Variants in MAJIN observed in about 807,000 individuals in gnomAD.
The protein encoded by MAJIN is membrane-anchored junction protein.
In MAJIN, 27 loss-of-function variants were observed where a neutral mutation model predicts 30.2. The observed-to-expected ratio is 0.89, with a 90% CI of 0.66 to 1.23. The LOEUF is 1.23. MAJIN is among the 50% of genes most tolerant of loss of function. The pLI, the probability that MAJIN is intolerant of heterozygous loss-of-function variation, is 0.00. For synonymous variants in MAJIN, 78 were observed against 91.6 expected, an observed-to-expected ratio of 0.85 and a Z score of 0.85; for missense variants, 253 against 260.3, an observed-to-expected ratio of 0.97 and a Z score of 0.19.
intron 2 of MAJIN, 130 bp from the exon 3 acceptor site, chr11:64,959,552 AC>A: frequency 1.6e-6 from 1 of 643,966 alleles, no homozygotes; most frequent in Non-Finnish European, 2.7e-6. Flanking sequence ...CTGCCTACGT[AC>A]CAGGATCATC....
chr11:64,949,103 G>A (rs966645425), intron 6 of MAJIN, among the ~76,000 whole-genome samples: 5 of 149,964 alleles, frequency 3.3e-5, no homozygotes, highest in Admixed American at 2.7e-4. Context: ...TGGGAGGATC[G>A]CTTGAGCCCA....
chr11:64,940,983 C>A (rs1237878220), intron 8 of MAJIN, among the ~76,000 whole-genome samples: 1 of 151,558 alleles, frequency 6.6e-6, no homozygotes, highest in Non-Finnish European at 1.5e-5. Flanking sequence ...GGACTACAGG[C>A]GCCCGCCACC....
chr11:64,943,872 A>G (rs1359841326), intron 8 of MAJIN, among the ~76,000 whole-genome samples: 2 of 152,182 alleles, frequency 1.3e-5, no homozygotes, highest in African/African-American at 4.8e-5. Context: ...AGTACTCCTC[A>G]TGTACTTTCT....
intron 8 of MAJIN, among the ~76,000 whole-genome samples, chr11:64,944,987 G>A (rs1945429006): frequency 6.6e-6 from 1 of 152,052 alleles, no homozygotes; most frequent in Non-Finnish European, 1.5e-5. Flanking sequence ...ATTCCATCAG[G>A]GGCCAGCCCT....
intron 3 of MAJIN, among the ~76,000 whole-genome samples, chr11:64,958,544 A>G (rs139770765): frequency 5.1e-4 from 76 of 149,212 alleles, no homozygotes; most frequent in African/African-American, 1.7e-3. Flanking sequence ...CCTTGAGCCC[A>G]GCAGGTCAAG....
intron 1 of MAJIN, among the ~76,000 whole-genome samples, chr11:64,966,671 G>T (rs1203570639): frequency 6.6e-6 from 1 of 151,600 alleles, no homozygotes; most frequent in Non-Finnish European, 1.5e-5. Context: ...AGTAGCTCAC[G>T]CCTTGTAATC....
chr11:64,966,164 A>AAAAAAAAAGC (rs1945806435), intron 1 of MAJIN, among the ~76,000 whole-genome samples: 1 of 150,752 alleles, frequency 6.6e-6, no homozygotes, highest in African/African-American at 2.4e-5. Context: ...AAAAAAAAAA[A>AAAAAAAAAGC]AGCAGCAGCA....
At position 64,947,551 on chromosome 11, in the gene MAJIN, C is replaced by T. The variant is rs574579895; in HGVS notation, c.382-86G>A. On this transcript the variant is annotated intron_variant, in intron 7 of 10. Transcript: ENST00000301896. Reference sequence around the variant, plus strand: ...GGCACAGTGAAGAAAACTCCCCATCCTTAAACTGCCAAAGGCAACTTTTAA... The same window carrying T: ...GGCACAGTGAAGAAAACTCCCCATCTTTAAACTGCCAAAGGCAACTTTTAA... 58 of 1,373,918 alleles carry T rather than the reference C, an allele frequency of 4.2e-5. No individual in the cohort carries two copies. In the South Asian group the frequency reaches 4.9e-4, roughly 12 times the overall value. 85.1% of individuals were successfully genotyped at this position (1,373,918 alleles called of 1,614,324 possible).
At position 64,958,653 on chromosome 11, in the gene MAJIN, T is replaced by A. The variant is rs142715285; in HGVS notation, c.101+652A>T. ...TTGCAAGGGAGTCGAGATGAAAAAA[T>A]ATATATATATTTTGAGATGGAGTCT... On this transcript the variant is annotated intron_variant, in intron 3 of 10. Coordinates refer to ENST00000301896, the MANE Select transcript of MAJIN (RefSeq NM_001037225.3). Among the ~76,000 whole-genome samples the A allele has an allele frequency of 5.8e-3, 738 of 126,784 alleles. 4 individuals are homozygous for A. The highest frequency in any genetic ancestry group is 0.019 in the African/African-American group (656 of 34,352). The allele number at this position is 126,784 out of a possible 152,430, so 83.2% of individuals were successfully genotyped here.
At chr11:64,958,956 C>T (rs889048203) in intron 3 of MAJIN, among the ~76,000 whole-genome samples, 1 of 151,974 alleles carries the variant, frequency 6.6e-6, no homozygotes, top group African/African-American at 2.4e-5. Flanking sequence ...AACACTGCTT[C>T]AAAGATATGT....
At chr11:64,942,216 G>A (rs1945389613) in intron 8 of MAJIN, among the ~76,000 whole-genome samples, 1 of 152,080 alleles carries the variant, frequency 6.6e-6, no homozygotes, top group Admixed American at 6.5e-5. Flanking sequence ...TTTTGCTGGT[G>A]AAGAGTTCTT....
At chr11:64,949,959 C>T in intron 5 of MAJIN, 91 bp from the exon 6 acceptor site, 3 of 1,492,306 alleles carry the variant, frequency 2.0e-6, no homozygotes, top group Non-Finnish European at 2.7e-6. Context: ...TTCCCCTGAC[C>T]TACCCTCCAA....
At chr11:64,969,862 TGAGC>T (rs1945870904) in intron 1 of MAJIN, among the ~76,000 whole-genome samples, 1 of 152,118 alleles carries the variant, frequency 6.6e-6, no homozygotes, top group African/African-American at 2.4e-5. Context: ...CCTGGTTGCT[TGAGC>T]AACTAACTGA....
chr11:64,938,817 T>A (rs1273542927), intron 10 of MAJIN, among the ~76,000 whole-genome samples: 1 of 152,218 alleles, frequency 6.6e-6, no homozygotes, highest in Non-Finnish European at 1.5e-5. Flanking sequence ...ATTTGCTAAC[T>A]GTCCTTTGCA....
rs1210417352 is a variant in MAJIN, at chr11:64,949,842, G to A, written c.250C>T (p.His84Tyr). Residue 84 changes from histidine (H) to tyrosine (Y), a missense_variant, in exon 6 of 11, where the codon CAC becomes TAC. By Grantham distance (83) the His-to-Tyr change is moderately conservative. Coordinates refer to ENST00000301896, the MANE Select transcript of MAJIN (RefSeq NM_001037225.3). Reference protein sequence around the residue: ...PYKSKWERVSHLKFKHGEIIL... With the variant: ...PYKSKWERVSYLKFKHGEIIL... ...ATTTCCCCATGTTTGAATTTCAGGTGGGAAACTCTCTCCCATTTGCTTTTA... is the reference window on the plus strand; with the variant it reads ...ATTTCCCCATGTTTGAATTTCAGGTAGGAAACTCTCTCCCATTTGCTTTTA... 1 of 1,607,208 alleles carries A rather than the reference G, an allele frequency of 6.2e-7. No homozygotes were observed. Among genetic ancestry groups the A allele is most frequent in the South Asian group, 1.1e-5 (1 of 91,078 alleles).
intron 1 of MAJIN, among the ~76,000 whole-genome samples, chr11:64,961,692 G>T (rs1159574516): frequency 6.8e-6 from 1 of 146,736 alleles, no homozygotes; most frequent in Non-Finnish European, 1.5e-5. Context: ...TAGCCAGGAT[G>T]GTCTCGATCT....
At chr11:64,954,714 T>C (rs1945604582) in intron 4 of MAJIN, 43 bp downstream of exon 4, 1 of 1,595,184 alleles carries the variant, frequency 6.3e-7, no homozygotes, top group African/African-American at 1.3e-5. Context: ...GGATGCATCC[T>C]TAAAGAGTAA....
Position 64,939,258 on chromosome 11 carries a change from T to C in MAJIN, c.*1+404A>G, listed in dbSNP as rs7131177. 8.0e-3 allele frequency among the ~76,000 whole-genome samples: 1,213 copies of C among 152,306 alleles called. 14 individuals are homozygous for C. Among genetic ancestry groups the C allele is most frequent in the African/African-American group, 0.027 (1,127 of 41,562 alleles). Reference sequence around the variant, plus strand: ...CTGGTATCACAGGCATGTAGCACCATGCCCGGCTAATTTTGTATTTTTAGT... The same window carrying C: ...CTGGTATCACAGGCATGTAGCACCACGCCCGGCTAATTTTGTATTTTTAGT... On this transcript the variant is annotated intron_variant, in intron 10 of 10. Coordinates refer to ENST00000301896, the MANE Select transcript of MAJIN (RefSeq NM_001037225.3).
rs1169582253 is a variant in MAJIN, at chr11:64,938,241, A to G, written c.*334T>C. The G allele has an allele frequency of 4.7e-5, 17 of 360,516 alleles. No homozygotes were observed. Among genetic ancestry groups the G allele is most frequent in the Non-Finnish European group, 5.2e-6 (1 of 191,546 alleles). The allele number at this position is 360,516 out of a possible 1,614,324, so 22.3% of individuals were successfully genotyped here. On this transcript the variant is annotated 3_prime_UTR_variant, in exon 11 of 11. Transcript: ENST00000301896. ...CTAAATTCAATCAATAACTCTTCAT[A>G]AATAATTTATTGTCATTAGGATCCT...
Sources: allele counts gnomAD v4.1 joint callset (sites outside exome capture counted in the v4.1 genomes callset), GRCh38; gene constraint gnomAD v4.1.1; transcripts MANE v1.5; gene names NCBI Gene and HGNC (gene_info 2026-07-23, HGNC 2026-07-21).